Variants in DDOST observed in about 807,000 individuals in gnomAD.
The protein encoded by DDOST is dolichyl-diphosphooligosaccharide--protein glycosyltransferase non-catalytic subunit, also known as dolichyl-diphosphooligosaccharide--protein glycosyltransferase 48 kDa subunit.
In DDOST, 25 loss-of-function variants were observed where a neutral mutation model predicts 47.6. The observed-to-expected ratio is 0.53, with a 90% CI of 0.38 to 0.73. The LOEUF (loss-of-function observed/expected upper bound fraction) is 0.73, where lower values mean the gene tolerates loss of function less well. DDOST is among the 30% of genes least tolerant of loss of function. The pLI, the probability that DDOST is intolerant of heterozygous loss-of-function variation, is 0.00. For missense variants in DDOST, 526 were observed against 573.9 expected, an observed-to-expected ratio of 0.92 and a Z score of 0.85; for synonymous variants, 275 against 236.0, an observed-to-expected ratio of 1.17 and a Z score of -1.51.
Position 20,655,544 on chromosome 1 carries a change from G to A in DDOST, c.457-10C>T, listed in dbSNP as rs369049692. The A allele has an allele frequency of 1.2e-6, 2 of 1,613,204 alleles. No individual in the cohort carries two copies. Among genetic ancestry groups the A allele is most frequent in the Non-Finnish European group, 1.7e-6 (2 of 1,179,206 alleles). The stretch of plus-strand genomic sequence containing the variant: ...CCACGATGAGCGTATGCTGCAAAGA[G>A]TAGATGGAAAGGTGGGTGGTCAGGA... On this transcript the variant is annotated splice_polypyrimidine_tract_variant and intron_variant, in intron 4 of 10. Transcript: ENST00000602624.
intron 2 of DDOST, among the ~76,000 whole-genome samples, chr1:20,657,465 G>C (rs577778830): frequency 2.6e-5 from 4 of 152,156 alleles, no homozygotes; most frequent in African/African-American, 9.6e-5. Flanking sequence ...GTGCTGAGCC[G>C]ACCTTGGAGC....
At chr1:20,658,156 C>T (rs780395610) in intron 2 of DDOST, among the ~76,000 whole-genome samples, 1 of 152,246 alleles carries the variant, frequency 6.6e-6, no homozygotes, top group Non-Finnish European at 1.5e-5. Context: ...TCCCTTCACC[C>T]TTCTGAACCC....
At chr1:20,659,507 C>G (rs1252678775) in intron 2 of DDOST, among the ~76,000 whole-genome samples, 1 of 152,214 alleles carries the variant, frequency 6.6e-6, no homozygotes, top group Non-Finnish European at 1.5e-5. Context: ...TCCTTAAGAT[C>G]TCACCCAGTC....
At chr1:20,661,030 G>A (rs758642488) in intron 1 of DDOST, 39 bp from the exon 2 acceptor site, 131 of 1,535,200 alleles carry the variant, frequency 8.5e-5, no homozygotes, top group Non-Finnish European at 1.1e-4. Context: ...AAGACGGGAC[G>A]CGAAGGGAAA....
At position 20,652,544 on chromosome 1, in the gene DDOST, G is replaced by C; in HGVS notation, c.1171-16C>G. 1.2e-6 allele frequency: 2 copies of C among 1,613,968 alleles called. No homozygotes were observed. Among genetic ancestry groups the C allele is most frequent in the Non-Finnish European group, 1.7e-6 (2 of 1,179,908 alleles). ...GCACGGATACCTGCAGGAGGACAGA[G>C]GTGGCAGGACCTGGCCACTGCAGAG... On this transcript the variant is annotated splice_polypyrimidine_tract_variant and intron_variant, in intron 10 of 10. Coordinates refer to ENST00000602624, the MANE Select transcript of DDOST (RefSeq NM_005216.5).
rs2053287190 is a variant in DDOST, at chr1:20,651,801, T to TTTCATTTATTTATTTA, written c.*577_*578insTAAATAAATAAATGAA. 1 of 147,120 alleles carries TTTCATTTATTTATTTA rather than the reference T, an allele frequency of 6.8e-6. No homozygotes were observed. The highest frequency in any genetic ancestry group is 2.5e-5 in the African/African-American group (1 of 39,712). The allele number at this position is 147,120 out of a possible 1,614,324, so 9.1% of individuals were successfully genotyped here. A position where few individuals can be genotyped will look rare whatever the true frequency, so the allele number is the denominator to read the frequency against. On this transcript the variant is annotated 3_prime_UTR_variant, in exon 11 of 11. Transcript: ENST00000602624. ...GTTTGAGGGCAACATCTCGCTTTAT[T>TTTCATTTATTTATTTA]TTTATTTATTTATTTATTTATTTAT...
At chr1:20,655,381 A>G (rs2053360066) in intron 5 of DDOST, 59 bp downstream of exon 5, 8 of 1,373,656 alleles carry the variant, frequency 5.8e-6, no homozygotes, top group South Asian at 1.2e-5. Context: ...TCCCAAAAAA[A>G]TTAAGTGACC....
intron 2 of DDOST, 69 bp downstream of exon 2, chr1:20,660,812 C>T: frequency 1.1e-6 from 1 of 920,410 alleles, no homozygotes; most frequent in Non-Finnish European, 1.8e-6. Context: ...TGCCCAAGAA[C>T]CAGAAGAAAG....
chr1:20,658,634 C>A (rs1003293418), intron 2 of DDOST, among the ~76,000 whole-genome samples: 2 of 152,242 alleles, frequency 1.3e-5, no homozygotes, highest in Non-Finnish European at 2.9e-5. Context: ...GTTGTTAGAG[C>A]TTCTAATGCT....
Position 20,661,316 on chromosome 1 carries a change from A to C in DDOST, c.35T>G (p.Leu12Arg). 1 of 1,613,768 alleles carries C rather than the reference A, an allele frequency of 6.2e-7. No individual in the cohort carries two copies. The highest frequency in any genetic ancestry group is 8.5e-7 in the Non-Finnish European group (1 of 1,179,978). The change falls in exon 1 of 11, where the codon CTC becomes CGC. Residue 12 changes from leucine to arginine, a missense_variant. Leu to Arg is a moderately radical substitution (Grantham distance 102). Transcript: ENST00000602624. ...EPSTAARAWALFWLLLPLLGA... is the reference protein window; with the variant it reads ...EPSTAARAWARFWLLLPLLGA... ...AAGCAAGGGCAGCAGCAACCAAAAG[A>C]GGGCCCAAGCCCGGGCCGCGGTGCT...
chr1:20,654,318 C>A lies in DDOST; in HGVS notation c.699G>T (p.Arg233Ser). ...CGCTGAAGATGACGCGGGCATTGTT[C>A]CTGGCCTGGAGCCCAGCAATGAGGA... ...NTLLIAGLQA[R>S]NNARVIFSGS... The change falls in exon 7 of 11, where the codon AGG becomes AGT. Residue 233 changes from arginine to serine, a missense_variant. Physicochemically the swap from Arg to Ser is moderately radical, Grantham distance 110. Transcript: ENST00000602624. The A allele has an allele frequency of 6.4e-7, 1 of 1,555,988 alleles. No homozygotes were observed. Among genetic ancestry groups the A allele is most frequent in the Non-Finnish European group, 8.7e-7 (1 of 1,149,004 alleles).
Position 20,652,452 on chromosome 1 carries a change from A to G in DDOST, c.1247T>C (p.Phe416Ser). Residue 416 changes from phenylalanine (F) to serine (S), a missense_variant, in exon 11 of 11, where the codon TTC becomes TCC. Physicochemically the swap from Phe to Ser is radical, Grantham distance 155 (BLOSUM62 -2). Transcript: ENST00000602624. The part of the protein sequence containing the change: ...PSAYPYYASA[F>S]SMMLGLFIFS... ...GATGAAGAGCCCCAGCATCATGGAGAAGGCGCTGGCGTAGTAGGGGTAGGC... is the reference window on the plus strand; with the variant it reads ...GATGAAGAGCCCCAGCATCATGGAGGAGGCGCTGGCGTAGTAGGGGTAGGC... 6.2e-7 allele frequency: 1 copy of G among 1,613,978 alleles called. No individual in the cohort carries two copies. The highest frequency in any genetic ancestry group is 8.5e-7 in the Non-Finnish European group (1 of 1,179,980).
intron 6 of DDOST, 64 bp from the exon 7 acceptor site, chr1:20,654,435 C>G: frequency 2.0e-6 from 3 of 1,535,298 alleles, no homozygotes; most frequent in Non-Finnish European, 8.8e-7. Flanking sequence ...CCACGCCTCC[C>G]GAACAAGAGG....
In DDOST at chr1:20,652,407, T is replaced by C; in HGVS notation, c.1292A>G (p.His431Arg). ...GTCGGACTTCTCCTTCTCCTTCATG[T>C]GCAAGAAGACGATGCTGAAGATGAA... Reference protein sequence around the residue: ...GLFIFSIVFLHMKEKEKSD With the variant: ...GLFIFSIVFLRMKEKEKSD The change falls in exon 11 of 11, where the codon CAC becomes CGC. Residue 431 changes from histidine (H) to arginine (R), a missense_variant. Transcript: ENST00000602624. 6.2e-7 allele frequency: 1 copy of C among 1,613,724 alleles called. No individual in the cohort carries two copies. The highest frequency in any genetic ancestry group is 8.5e-7 in the Non-Finnish European group (1 of 1,179,864).
In DDOST at chr1:20,654,726, A is replaced by G. The variant is rs1333847007; in HGVS notation, c.552-19T>C. 6.5e-7 allele frequency: 1 copy of G among 1,532,792 alleles called. No individual in the cohort carries two copies. Among genetic ancestry groups the G allele is most frequent in the South Asian group, 1.2e-5 (1 of 83,764 alleles). The allele number at this position is 1,532,792 out of a possible 1,614,324, so 94.9% of individuals were successfully genotyped here. The stretch of plus-strand genomic sequence containing the variant: ...CACCATCCTGCAGCAGGACGAGAGC[A>G]GCCCAGCACTGGCCCCAGGAACTGA... On this transcript the variant is annotated intron_variant, in intron 5 of 10. Transcript: ENST00000602624.
At chr1:20,656,468 G>A (rs921991363) in intron 2 of DDOST, among the ~76,000 whole-genome samples, 5 of 152,210 alleles carry the variant, frequency 3.3e-5, no homozygotes, top group Non-Finnish European at 5.9e-5. Flanking sequence ...CAAGTAAGCT[G>A]TACACATTTC....
rs946090496 is a variant in DDOST, at chr1:20,651,950, C to G, written c.*429G>C. On this transcript the variant is annotated 3_prime_UTR_variant, in exon 11 of 11. Transcript: ENST00000602624. ...ATGCCTTTCTCCTGCCTCAGCCTCC[C>G]GAGTAGCTGGGACTACAGGTGCCCA... 3.2e-5 allele frequency: 5 copies of G among 156,764 alleles called. No individual in the cohort carries two copies. The highest frequency in any genetic ancestry group is 7.2e-5 in the African/African-American group (3 of 41,402). 9.7% of individuals were successfully genotyped at this position (156,764 alleles called of 1,614,324 possible). A position where few individuals can be genotyped will look rare whatever the true frequency, so the allele number is the denominator to read the frequency against.
At chr1:20,658,369 G>A (rs893408384) in intron 2 of DDOST, among the ~76,000 whole-genome samples, 2 of 152,200 alleles carry the variant, frequency 1.3e-5, no homozygotes, top group Non-Finnish European at 2.9e-5. Context: ...ATGGGACGAG[G>A]GCAGGGCCCT....
chr1:20,654,608 C>T lies in DDOST; in HGVS notation c.645+6G>A, dbSNP rs1278107131. 7.1e-6 allele frequency: 11 copies of T among 1,556,640 alleles called. No homozygotes were observed. In the East Asian group the frequency reaches 7.2e-5, roughly 10 times the overall value. On this transcript the variant is annotated splice_donor_region_variant and intron_variant, in intron 6 of 10. Coordinates refer to ENST00000602624, the MANE Select transcript of DDOST (RefSeq NM_005216.5). ...TTTCGAAGCCTCAAGGTTGTGAAGCCCTTACCTGGGTGATAGGCTTGTCCG... is the reference window on the plus strand; with the variant it reads ...TTTCGAAGCCTCAAGGTTGTGAAGCTCTTACCTGGGTGATAGGCTTGTCCG...
Sources: allele counts gnomAD v4.1 joint callset (sites outside exome capture counted in the v4.1 genomes callset), GRCh38; gene constraint gnomAD v4.1.1; transcripts MANE v1.5; gene names NCBI Gene and HGNC (gene_info 2026-07-23, HGNC 2026-07-21).